Variants in CYP2S1 observed in about 807,000 individuals in gnomAD.
CYP2S1 encodes the protein cytochrome P450 2S1.
A neutral mutation model predicts 43.5 loss-of-function variants in CYP2S1; 32 were observed. That is an observed-to-expected ratio of 0.74 (90% CI 0.56 to 0.99). The LOEUF (loss-of-function observed/expected upper bound fraction) is 0.99, where lower values mean the gene tolerates loss of function less well. Among genes scored for constraint, CYP2S1 ranks in the 50% least tolerant of loss-of-function variants. The probability of loss-of-function intolerance (pLI) is 0.00; values close to 1 mark genes in which losing one functional copy is unlikely to be tolerated. For synonymous variants in CYP2S1, 283 were observed against 302.9 expected (o/e 0.93, Z 0.68); for missense variants, 575 against 673.9 (o/e 0.85, Z 1.62).
Position 41,206,005 on chromosome 19 carries a change from C to T in CYP2S1, c.1212C>T (p.Asn404=). 6.2e-7 allele frequency: 1 copy of T among 1,614,126 alleles called. No homozygotes were observed. Among genetic ancestry groups the T allele is most frequent in the Non-Finnish European group, 8.5e-7 (1 of 1,180,024 alleles). The change falls in exon 8 of 9, where the codon AAC becomes AAT. Residue 404 remains asparagine (N), a synonymous_variant. Coordinates refer to ENST00000310054, the MANE Select transcript of CYP2S1 (RefSeq NM_030622.8). The stretch of plus-strand genomic sequence containing the variant: ...TTGGCTCCATCCTGCATGACCCCAA[C>T]ATCTTCAAGCACCCAGAAGAGTTCA... The part of the protein sequence containing the change: ...PLLGSILHDP[N]IFKHPEEFNP...
chr19:41,200,224 C>T (rs1220950898), intron 5 of CYP2S1, among the ~76,000 whole-genome samples: 3 of 152,068 alleles, frequency 2.0e-5, no homozygotes, highest in African/African-American at 7.2e-5. Flanking sequence ...ATAACGTTTA[C>T]CATCTTAACC....
chr19:41,202,515 C>T (rs2033502778), intron 6 of CYP2S1, among the ~76,000 whole-genome samples: 6 of 152,070 alleles, frequency 3.9e-5, no homozygotes, highest in Admixed American at 3.9e-4. Flanking sequence ...ATGAGCCAGG[C>T]ATGGTGGCTT....
In CYP2S1 at chr19:41,194,538, C is replaced by A. The variant is rs776619879; in HGVS notation, c.178-6C>A. 2.7e-5 allele frequency: 42 copies of A among 1,574,800 alleles called. No individual in the cohort carries two copies. Among genetic ancestry groups the A allele is most frequent in the Non-Finnish European group, 3.6e-5 (42 of 1,163,942 alleles). ...CACCCTCCTCTTTCTTCCTCCCTAC[C>A]CCCAGCTGAGTAAGAAGTACGGACC... is the stretch of plus-strand genomic sequence containing the variant. On this transcript the variant is annotated splice_polypyrimidine_tract_variant and splice_region_variant and intron_variant, in intron 1 of 8. Coordinates refer to ENST00000310054, the MANE Select transcript of CYP2S1 (RefSeq NM_030622.8).
At chr19:41,193,587 G>A in intron 1 of CYP2S1, 146 bp downstream of exon 1, 1 of 1,330,170 alleles carries the variant, frequency 7.5e-7, no homozygotes, top group Non-Finnish European at 9.6e-7. Flanking sequence ...CTGTCCTGGG[G>A]TTGGGGGCAG....
chr19:41,206,265 C>T lies in CYP2S1; in HGVS notation c.1307-15C>T. 6.2e-7 allele frequency: 1 copy of T among 1,613,982 alleles called. No homozygotes were observed. Among genetic ancestry groups the T allele is most frequent in the Non-Finnish European group, 8.5e-7 (1 of 1,180,002 alleles). ...AATACTGACTCAGCCCTCTCTCTCT[C>T]TCTCTCCTCACCAGGGAAGCGTGTC... On this transcript the variant is annotated splice_polypyrimidine_tract_variant and intron_variant, in intron 8 of 8. Coordinates refer to ENST00000310054, the MANE Select transcript of CYP2S1 (RefSeq NM_030622.8).
At chr19:41,203,824 TCTC>T (rs2033525919) in intron 7 of CYP2S1, among the ~76,000 whole-genome samples, 187 bp downstream of exon 7, 1 of 150,390 alleles carries the variant, frequency 6.6e-6, no homozygotes, top group Non-Finnish European at 1.5e-5. Context: ...GCATCTTTCT[TCTC>T]CTTCTTTCTC....
rs1419372052 is a variant in CYP2S1 at position 41,198,407 on chromosome 19, G to C, written c.494-55G>C. The C allele has an allele frequency of 1.9e-6, 3 of 1,598,142 alleles. No homozygotes were observed. The highest frequency in any genetic ancestry group is 2.2e-5 in the East Asian group (1 of 44,824). ...CTCTGGTTGGGTTCAGCTCCAACCT[G>C]CTCCCCTCTGCCTGGCTCCATCACA... On this transcript the variant is annotated intron_variant, in intron 3 of 8. Transcript: ENST00000310054. The surrounding 1 kb of genome is among the most constrained non-coding windows in gnomAD (Gnocchi z 4.9).
In CYP2S1 at chr19:41,198,155, A is replaced by G. The variant is rs2033438892; in HGVS notation, c.493+227A>G. ...TGTGTGTCTCTGGTGCTATCATCCCATTCTTCCTGGGTCTCCATCTCTCTC... is the reference window on the plus strand; with the variant it reads ...TGTGTGTCTCTGGTGCTATCATCCCGTTCTTCCTGGGTCTCCATCTCTCTC... On this transcript the variant is annotated intron_variant, in intron 3 of 8. Coordinates refer to ENST00000310054, the MANE Select transcript of CYP2S1 (RefSeq NM_030622.8). This position sits in a 1 kb window ranked among gnomAD's most constrained non-coding sequence, Gnocchi z 4.9. Among the ~76,000 whole-genome samples, 2 of 150,860 alleles carry G rather than the reference A, an allele frequency of 1.3e-5. No homozygotes were observed. The highest frequency in any genetic ancestry group is 2.1e-4 in the South Asian group (1 of 4,764).
chr19:41,203,424 G>T (rs753764338), intron 6 of CYP2S1, 26 bp from the exon 7 acceptor site: 15 of 1,564,272 alleles, frequency 9.6e-6, no homozygotes, highest in Non-Finnish European at 1.3e-5. Context: ...ACCCCCGTCT[G>T]ACTCCTGCCC....
rs188205443 is a variant in CYP2S1, at chr19:41,201,551, C to T, written c.976+179C>T. On this transcript the variant is annotated intron_variant, in intron 6 of 8. Transcript: ENST00000310054. Reference sequence around the variant, plus strand: ...TGAAACCCCATCTCTACTGAAAATACAAAAATTAGCGGGTGTGGTGGCATG... The same window carrying T: ...TGAAACCCCATCTCTACTGAAAATATAAAAATTAGCGGGTGTGGTGGCATG... Among the ~76,000 whole-genome samples, 23 of 152,106 alleles carry T rather than the reference C, an allele frequency of 1.5e-4. No individual in the cohort carries two copies. The East Asian group carries it at 3.9e-3, about 26-fold the overall frequency.
At chr19:41,205,858 G>C in intron 7 of CYP2S1, 100 bp from the exon 8 acceptor site, 2 of 1,460,682 alleles carry the variant, frequency 1.4e-6, no homozygotes, top group Admixed American at 4.3e-5. Context: ...TAGGTTTTGT[G>C]AACTAGTGTC....
rs1457174842 is a variant in CYP2S1 at position 41,193,345 on chromosome 19, G to A, written c.81G>A (p.Arg27=). ...LLLTLALSGT[R]ARGHLPPGPT... Reference sequence around the variant, plus strand: ...TGACGCTGGCGCTGTCCGGGACCAGGGCCCGAGGCCACCTGCCCCCCGGGC... The same window carrying A: ...TGACGCTGGCGCTGTCCGGGACCAGAGCCCGAGGCCACCTGCCCCCCGGGC... The change falls in exon 1 of 9, where the codon AGG becomes AGA. Residue 27 remains arginine (R), a synonymous_variant. Transcript: ENST00000310054. The A allele has an allele frequency of 6.5e-7, 1 of 1,537,970 alleles. No homozygotes were observed.
chr19:41,201,896 G>A (rs2033494273), intron 6 of CYP2S1, among the ~76,000 whole-genome samples: 2 of 152,070 alleles, frequency 1.3e-5, no homozygotes, highest in South Asian at 2.1e-4. Flanking sequence ...TCGCCTTAGT[G>A]ATACATTAGG....
chr19:41,201,143 TTG>T, intron 5 of CYP2S1, 86 bp from the exon 6 acceptor site: 3 of 1,511,274 alleles, frequency 2.0e-6, no homozygotes, highest in Non-Finnish European at 2.7e-6. Context: ...AAACTTTAAC[TTG>T]TGTTTCCGAC....
In CYP2S1 at chr19:41,206,977, C is replaced by T; in HGVS notation, c.*489C>T. The T allele has an allele frequency of 8.2e-6, 3 of 364,740 alleles. No individual in the cohort carries two copies. Among genetic ancestry groups the T allele is most frequent in the South Asian group, 6.1e-5 (3 of 48,934 alleles). 22.6% of individuals were successfully genotyped at this position (364,740 alleles called of 1,614,324 possible). On this transcript the variant is annotated 3_prime_UTR_variant, in exon 9 of 9. Transcript: ENST00000310054. ...CATGCCACCCAGAGACTGTCGCTGT[C>T]TATGGCCCCAACTCATGCTCCCTCT...
At chr19:41,200,271 T>C (rs1599714047) in intron 5 of CYP2S1, among the ~76,000 whole-genome samples, 1 of 152,184 alleles carries the variant, frequency 6.6e-6, no homozygotes, top group Non-Finnish European at 1.5e-5. Flanking sequence ...TTCAGTACAT[T>C]CATACTGTTA....
chr19:41,195,596 C>A (rs1313410855), intron 2 of CYP2S1, among the ~76,000 whole-genome samples: 1 of 152,012 alleles, frequency 6.6e-6, no homozygotes, highest in Non-Finnish European at 1.5e-5. Flanking sequence ...AGAGGAGGTA[C>A]CTGACCCGGC....
chr19:41,206,696 A>G lies in CYP2S1; in HGVS notation c.*208A>G, dbSNP rs2033585974. ...CAACCGCACACCCATACACAACTAC[A>G]AGGGCCACAAAGCAACTGCTGGGTT... On this transcript the variant is annotated 3_prime_UTR_variant, in exon 9 of 9. Coordinates refer to ENST00000310054, the MANE Select transcript of CYP2S1 (RefSeq NM_030622.8). 1 of 773,118 alleles carries G rather than the reference A, an allele frequency of 1.3e-6. No individual in the cohort carries two copies. Among genetic ancestry groups the G allele is most frequent in the Admixed American group, 1.7e-5 (1 of 58,600 alleles). The allele number at this position is 773,118 out of a possible 1,614,324, so 47.9% of individuals were successfully genotyped here.
At position 41,205,460 on chromosome 19, in the gene CYP2S1, TC is replaced by T. The variant is rs1311934114; in HGVS notation, c.1165-497del. 5.7e-5 allele frequency among the ~76,000 whole-genome samples: 4 copies of T among 70,632 alleles called. No individual in the cohort carries two copies. In the African/African-American group the frequency reaches 6.4e-4, roughly 11 times the overall value. 46.3% of individuals were successfully genotyped at this position (70,632 alleles called of 152,430 possible). A position where few individuals can be genotyped will look rare whatever the true frequency, so the allele number is the denominator to read the frequency against. Reference sequence around the variant, plus strand: ...TCTTTCTTTTCTTTTTCTTTCTCTCTCTCTCTCTTTCTTCCTTTCTTCCTTC... The same window carrying T: ...TCTTTCTTTTCTTTTTCTTTCTCTCTTCTCTCTTTCTTCCTTTCTTCCTTC... On this transcript the variant is annotated intron_variant, in intron 7 of 8. Transcript: ENST00000310054.
Sources: allele counts gnomAD v4.1 joint callset (sites outside exome capture counted in the v4.1 genomes callset), GRCh38; gene constraint gnomAD v4.1.1; non-coding constraint Gnocchi (gnomAD v3.1); transcripts MANE v1.5; gene names NCBI Gene and HGNC (gene_info 2026-07-23, HGNC 2026-07-21).